Variants in ANK1 observed in about 807,000 individuals in gnomAD.
ANK1 encodes ankyrin-1.
A neutral mutation model predicts 210.4 loss-of-function variants in ANK1; 51 were observed. That is an observed-to-expected ratio of 0.24 (90% CI 0.19 to 0.31). The LOEUF (loss-of-function observed/expected upper bound fraction) is 0.31, where lower values mean the gene tolerates loss of function less well. ANK1 is among the 10% of genes least tolerant of loss of function. The pLI is 1.00. For missense variants in ANK1, 2,051 were observed against 2,504.4 expected (o/e 0.82, Z 3.86); for synonymous variants, 967 against 1,025.9 (o/e 0.94, Z 1.10).
At chr8:41,881,943 G>C (rs1817662534) in intron 1 of ANK1, among the ~76,000 whole-genome samples, 3 of 152,132 alleles carry the variant, frequency 2.0e-5, no homozygotes, top group Non-Finnish European at 4.4e-5. Flanking sequence ...ACGGGGCCTG[G>C]CTCTTTTCCT....
At position 41,668,341 on chromosome 8, in the gene ANK1, C is replaced by A. The variant is rs747971990; in HGVS notation, c.5320G>T (p.Asp1774Tyr). 1 of 1,614,230 alleles carries A rather than the reference C, an allele frequency of 6.2e-7. No homozygotes were observed. The highest frequency in any genetic ancestry group is 8.5e-7 in the Non-Finnish European group (1 of 1,180,040). The stretch of plus-strand genomic sequence containing the variant: ...TGGCCTTGCTGCCTCCGGTCCCTGT[C>A]GGCCTGGGAGCTCTCAGCCTCGGGC... ...EQPEAESSQADRDRRQQGQEE... is the reference protein window; with the variant it reads ...EQPEAESSQAYRDRRQQGQEE... Residue 1774 changes from aspartate (D) to tyrosine (Y), a missense_variant, in exon 39 of 43, where the codon GAC becomes TAC. By Grantham distance (160) the Asp-to-Tyr change is radical (BLOSUM62 -3). Around this residue, in one of 6 missense-constraint regions of ANK1, gnomAD observed 496 missense variants for 533.4 expected, o/e 0.93. Coordinates refer to ENST00000289734, the MANE Select transcript of ANK1 (RefSeq NM_000037.4).
chr8:41,890,766 T>C (rs1456993115), intron 1 of ANK1, among the ~76,000 whole-genome samples: 8 of 144,000 alleles, frequency 5.6e-5, no homozygotes, highest in South Asian at 2.2e-4. Flanking sequence ...ACAGTGACAA[T>C]AGATTTTATT....
chr8:41,693,212 G>A lies in ANK1; in HGVS notation c.3533-11C>T, dbSNP rs781307853. On this transcript the variant is annotated splice_polypyrimidine_tract_variant and intron_variant, in intron 29 of 42. Transcript: ENST00000289734. ...CTTGGTCTGTTCCTCCTGTAACAGC[G>A]GCAGAAATGGGGCTGGGGACAGTCT... 9 of 1,568,322 alleles carry A rather than the reference G, an allele frequency of 5.7e-6. No individual in the cohort carries two copies. The highest frequency in any genetic ancestry group is 2.2e-5 in the East Asian group (1 of 44,634).
chr8:41,817,095 T>TG (rs1256777651), intron 1 of ANK1, among the ~76,000 whole-genome samples: 1 of 147,082 alleles, frequency 6.8e-6, no homozygotes, highest in Non-Finnish European at 1.5e-5. Context: ...AATAGTTTCT[T>TG]TTTTTTTTTT....
At chr8:41,824,888 G>A (rs943216892) in intron 1 of ANK1, among the ~76,000 whole-genome samples, 5 of 152,220 alleles carry the variant, frequency 3.3e-5, no homozygotes, top group African/African-American at 1.2e-4. Context: ...GGGGCTGGCT[G>A]GCTGTAGGGC....
chr8:41,666,251 T>A (rs1810522835), intron 39 of ANK1, among the ~76,000 whole-genome samples: 1 of 152,204 alleles, frequency 6.6e-6, no homozygotes, highest in African/African-American at 2.4e-5. Context: ...CTTGTGATAG[T>A]GCATGGTTCT....
intron 1 of ANK1, among the ~76,000 whole-genome samples, chr8:41,826,126 G>C (rs1805323292): frequency 6.6e-6 from 1 of 152,138 alleles, no homozygotes; most frequent in African/African-American, 2.4e-5. Flanking sequence ...TATGCCCCTA[G>C]CATCCAATCC....
intron 37 of ANK1, among the ~76,000 whole-genome samples, chr8:41,677,544 T>C (rs774251431): frequency 1.8e-4 from 27 of 152,198 alleles, no homozygotes; most frequent in African/African-American, 3.1e-4. Flanking sequence ...ACTTTAAAGA[T>C]GCCACACCAT....
intron 2 of ANK1, among the ~76,000 whole-genome samples, chr8:41,740,285 C>T (rs796249951): frequency 6.6e-6 from 1 of 152,094 alleles, no homozygotes; most frequent in African/African-American, 2.4e-5. Context: ...CTCAACCTCC[C>T]AAGTAGCTGG....
At chr8:41,835,924 C>A (rs1807603800) in intron 1 of ANK1, among the ~76,000 whole-genome samples, 2 of 152,226 alleles carry the variant, frequency 1.3e-5, no homozygotes, top group African/African-American at 4.8e-5. Flanking sequence ...CACAAGCTCC[C>A]AGAGTCTCCC....
At chr8:41,767,795 C>G (rs1842183880) in intron 1 of ANK1, among the ~76,000 whole-genome samples, 1 of 152,188 alleles carries the variant, frequency 6.6e-6, no homozygotes, top group Non-Finnish European at 1.5e-5. Context: ...TGCATGGCCT[C>G]CCTCCCTGCC....
Position 41,693,925 on chromosome 8 carries a change from T to C in ANK1, c.3505A>G (p.Ser1169Gly), listed in dbSNP as rs1197656365. The change falls in exon 29 of 43, where the codon AGC becomes GGC. Residue 1169 changes from serine (S) to glycine (G), a missense_variant. Around this residue, in one of 6 missense-constraint regions of ANK1, gnomAD observed 1,413 missense variants for 1,707.4 expected, o/e 0.83. Coordinates refer to ENST00000289734, the MANE Select transcript of ANK1 (RefSeq NM_000037.4). ...PRDSGEGDTTSLRLLCSVIGG... is the reference protein window; with the variant it reads ...PRDSGEGDTTGLRLLCSVIGG... Reference sequence around the variant, plus strand: ...ATGACGCTGCAAAGCAGGCGCAGGCTGGTGGTGTCTCCCTCCCCGCTGTCC... The same window carrying C: ...ATGACGCTGCAAAGCAGGCGCAGGCCGGTGGTGTCTCCCTCCCCGCTGTCC... 1 of 1,612,528 alleles carries C rather than the reference T, an allele frequency of 6.2e-7. No individual in the cohort carries two copies. The highest frequency in any genetic ancestry group is 1.7e-5 in the Admixed American group (1 of 59,884).
chr8:41,667,099 C>A (rs1810798169), intron 39 of ANK1, among the ~76,000 whole-genome samples: 1 of 152,192 alleles, frequency 6.6e-6, no homozygotes, highest in South Asian at 2.1e-4. Context: ...AACTAGGCGC[C>A]CAGGAGGGCC....
chr8:41,725,681 G>A lies in ANK1; in HGVS notation c.612+80C>T, dbSNP rs986472220. The A allele has an allele frequency of 3.9e-6, 6 of 1,537,236 alleles. No individual in the cohort carries two copies. In the Admixed American group the frequency reaches 1.1e-4, roughly 29 times the overall value. The stretch of plus-strand genomic sequence containing the variant: ...CTGCACGCTCGGTTCTCCTGCCTGG[G>A]AAGTCGCTGGGCGTGCGCGGTGCCC... On this transcript the variant is annotated intron_variant, in intron 6 of 42. Transcript: ENST00000289734.
At chr8:41,762,899 C>T (rs760406006) in intron 1 of ANK1, among the ~76,000 whole-genome samples, 1 of 152,162 alleles carries the variant, frequency 6.6e-6, no homozygotes, top group Non-Finnish European at 1.5e-5. Flanking sequence ...GCTCAAAGCA[C>T]TGAATCCAGG....
intron 2 of ANK1, among the ~76,000 whole-genome samples, chr8:41,755,390 C>T (rs1222515016): frequency 2.0e-5 from 3 of 152,186 alleles, no homozygotes; most frequent in African/African-American, 4.8e-5. Context: ...TTCAGTTGTC[C>T]CCATTTCAGC....
intron 1 of ANK1, among the ~76,000 whole-genome samples, chr8:41,809,654 G>GC (rs145198483): frequency 0.013 from 2,027 of 152,278 alleles, 48 homozygotes; most frequent in African/African-American, 0.047. Flanking sequence ...TGTAGCCCCA[G>GC]CTATTCGGGA....
intron 2 of ANK1, among the ~76,000 whole-genome samples, chr8:41,741,512 C>T (rs1446043679): frequency 6.6e-6 from 1 of 151,018 alleles, no homozygotes; most frequent in African/African-American, 2.4e-5. Flanking sequence ...CCCAGCAGTT[C>T]AAGGCTGCAG....
Position 41,700,340 on chromosome 8 carries a change from A to T in ANK1, c.2462-792T>A, listed in dbSNP as rs529664739. On this transcript the variant is annotated intron_variant, in intron 22 of 42. Coordinates refer to ENST00000289734, the MANE Select transcript of ANK1 (RefSeq NM_000037.4). ...TTATTAGCTGTCAGAGGAAGATGGAAAGCAGGAATGGATTAGTGAGCATCA... is the reference window on the plus strand; with the variant it reads ...TTATTAGCTGTCAGAGGAAGATGGATAGCAGGAATGGATTAGTGAGCATCA... 18 of 1,373,980 alleles carry T rather than the reference A, an allele frequency of 1.3e-5. No individual in the cohort carries two copies. The South Asian group carries it at 2.1e-4, about 16-fold the overall frequency. The allele number at this position is 1,373,980 out of a possible 1,614,324, so 85.1% of individuals were successfully genotyped here. A position where few individuals can be genotyped will look rare whatever the true frequency, so the allele number is the denominator to read the frequency against.
Sources: gnomAD v4.1 joint callset for allele counts (sites outside exome capture counted in the v4.1 genomes callset) on GRCh38, gnomAD v4.1.1 for gene constraint, gnomAD v4.1.1 regional missense constraint, MANE v1.5 for transcripts, NCBI Gene and HGNC (gene_info 2026-07-23, HGNC 2026-07-21) for gene names.